HEATR4: variants seen among roughly 807,000 people sequenced by gnomAD.
The protein encoded by HEATR4 is HEAT repeat-containing protein 4.
HEATR4 carries 95 observed loss-of-function variants against 108.8 expected under a neutral mutation model. The ratio of observed to expected loss-of-function variants is 0.87; its 90% CI spans 0.74 to 1.04. The LOEUF (loss-of-function observed/expected upper bound fraction) is 1.04. Among genes scored for constraint, HEATR4 ranks in the 50% least tolerant of loss-of-function variants. The pLI is 0.00. For missense variants in HEATR4, 1,152 were observed against 1,253.8 expected (o/e 0.92, Z 1.23); for synonymous variants, 443 against 459.4 (o/e 0.96, Z 0.46).
At chr14:73,570,376 T>C in the HEATR4 span, among the ~76,000 whole-genome samples, 1 of 151,676 alleles carries the variant, frequency 6.6e-6, no homozygotes, top group African/African-American at 2.4e-5. Context: ...GAGGCCATCC[T>C]GACTAACACG....
chr14:73,615,413 AAC>A, the HEATR4 span, among the ~76,000 whole-genome samples: 978 of 77,170 alleles, frequency 0.013, 179 homozygotes, highest in African/African-American at 0.032. Flanking sequence ...AAAAACAAAA[AAC>A]AAAAAAAACC....
rs1299058688 is a variant in HEATR4 at position 73,548,615 on chromosome 14, C to T, written c.-152+10136G>A. Among the ~76,000 whole-genome samples the T allele has an allele frequency of 3.5e-5, 4 of 114,750 alleles. 1 individual carries two copies. Among genetic ancestry groups the T allele is most frequent in the South Asian group, 2.8e-4 (1 of 3,582 alleles). 75.3% of individuals were successfully genotyped at this position (114,750 alleles called of 152,430 possible). A position where few individuals can be genotyped will look rare whatever the true frequency, so the allele number is the denominator to read the frequency against. Reference sequence around the variant, plus strand: ...AAGCACAGAATGGGAAAAGAAAGGGCGTGGAGGTTCAGCACATTCTGAGGG... The same window carrying T: ...AAGCACAGAATGGGAAAAGAAAGGGTGTGGAGGTTCAGCACATTCTGAGGG... On this transcript the variant is annotated intron_variant, in intron 1 of 17. Coordinates refer to ENST00000553558, the MANE Select transcript of HEATR4 (RefSeq NM_001220484.1).
At chr14:73,495,869 T>TGTA (rs1239350122) in intron 15 of HEATR4, among the ~76,000 whole-genome samples, 1 of 152,066 alleles carries the variant, frequency 6.6e-6, no homozygotes, top group African/African-American at 2.4e-5. Context: ...GGCTCATGCC[T>TGTA]GTAATCCCAG....
chr14:73,493,988 T>G (rs747421518), intron 16 of HEATR4, among the ~76,000 whole-genome samples: 1 of 152,230 alleles, frequency 6.6e-6, no homozygotes, highest in Non-Finnish European at 1.5e-5. Flanking sequence ...CATGGTATGT[T>G]TTTGCTCACT....
At chr14:73,592,364 G>C in the HEATR4 span, 1 of 1,582,100 alleles carries the variant, frequency 6.3e-7, no homozygotes, top group South Asian at 1.1e-5. Flanking sequence ...CAGGGGTGCG[G>C]CGCCAGTCGG....
the HEATR4 span, chr14:73,575,491 G>A: frequency 2.0e-6 from 3 of 1,507,666 alleles, no homozygotes; most frequent in Non-Finnish European, 2.6e-6. Context: ...GGCCACGAGG[G>A]GACAATCCCA....
chr14:73,497,309 G>A (rs1485907065), intron 14 of HEATR4, among the ~76,000 whole-genome samples: 3 of 152,180 alleles, frequency 2.0e-5, no homozygotes, highest in Admixed American at 6.5e-5. Context: ...CAAAGTGTTG[G>A]GATTACAGAT....
At chr14:73,622,570 T>C in the HEATR4 span, among the ~76,000 whole-genome samples, 3 of 151,970 alleles carry the variant, frequency 2.0e-5, no homozygotes, top group African/African-American at 7.3e-5. Context: ...CCGGCTAATT[T>C]TGTACTTTTA....
At chr14:73,631,851 C>A in the HEATR4 span, 1 of 156,176 alleles carries the variant, frequency 6.4e-6, no homozygotes, top group South Asian at 1.9e-4. Flanking sequence ...CTTGGAATAT[C>A]ATGTGTATAC....
chr14:73,580,773 T>C, the HEATR4 span: 2 of 151,950 alleles, frequency 1.3e-5, no homozygotes, highest in Admixed American at 6.6e-5. Flanking sequence ...TAAATACATG[T>C]GCATAAGGCA....
At chr14:73,485,642 G>A (rs890404126) in intron 17 of HEATR4, among the ~76,000 whole-genome samples, 2 of 152,120 alleles carry the variant, frequency 1.3e-5, no homozygotes, top group African/African-American at 4.8e-5. Flanking sequence ...GGAGGCCAAG[G>A]CAGTTGGATC....
the HEATR4 span, chr14:73,592,399 C>T: frequency 6.5e-7 from 1 of 1,537,096 alleles, no homozygotes; most frequent in Non-Finnish European, 8.7e-7. Flanking sequence ...GTGCGCGCCA[C>T]GCTCTTCCTG....
chr14:73,497,044 T>G (rs1886148608), intron 14 of HEATR4, among the ~76,000 whole-genome samples: 1 of 152,184 alleles, frequency 6.6e-6, no homozygotes, highest in Non-Finnish European at 1.5e-5. Flanking sequence ...TACAGGCGCG[T>G]GCCATCATGC....
At position 73,522,833 on chromosome 14, in the gene HEATR4, T is replaced by G. The variant is rs1888059046; in HGVS notation, c.320A>C (p.Gln107Pro). 4 of 1,614,196 alleles carry G rather than the reference T, an allele frequency of 2.5e-6. No individual in the cohort carries two copies. The highest frequency in any genetic ancestry group is 1.6e-4 in the Middle Eastern group (1 of 6,062). Residue 107 changes from glutamine to proline, a missense_variant, in exon 3 of 18, where the codon CAG becomes CCG. Gln to Pro is a moderately conservative substitution (Grantham distance 76, BLOSUM62 -1). Transcript: ENST00000553558. ...TTTCTGAGGCCGGGCCTTCCTGATC[T>G]GGGGAGTATGGATGATGTCATTGGT... Reference protein sequence around the residue: ...YNTNDIIHTPQIRKARPQKPV... With the variant: ...YNTNDIIHTPPIRKARPQKPV...
the HEATR4 span, among the ~76,000 whole-genome samples, chr14:73,588,791 TTG>T: frequency 6.6e-6 from 1 of 151,890 alleles, no homozygotes; most frequent in Non-Finnish European, 1.5e-5. Flanking sequence ...CTTTTCTTTT[TTG>T]TGTTTAATTT....
In HEATR4 at chr14:73,492,376, T is replaced by G. The variant is rs1595084287; in HGVS notation, c.2844+690A>C. On this transcript the variant is annotated intron_variant, in intron 17 of 17. Transcript: ENST00000553558. The surrounding 1 kb of genome is among the most constrained non-coding windows in gnomAD (Gnocchi z 4.9). ...AAGAAAATGTGGAGTTTCGGAGGGG[T>G]CTGCCCCGAGACTTCATGGATTACA... 1.2e-6 allele frequency: 2 copies of G among 1,613,578 alleles called. No homozygotes were observed. Among genetic ancestry groups the G allele is most frequent in the Non-Finnish European group, 1.7e-6 (2 of 1,179,716 alleles).
At chr14:73,625,807 T>C in the HEATR4 span, among the ~76,000 whole-genome samples, 1 of 152,332 alleles carries the variant, frequency 6.6e-6, no homozygotes, top group South Asian at 2.1e-4. Context: ...GCCTTTCCCA[T>C]CTGTTTCCCT....
chr14:73,494,557 G>GT (rs1449942441), intron 16 of HEATR4, among the ~76,000 whole-genome samples: 1 of 151,986 alleles, frequency 6.6e-6, no homozygotes, highest in Non-Finnish European at 1.5e-5. Context: ...TTGTTTGTTT[G>GT]TTTTTTTGTT....
At chr14:73,570,659 C>T in the HEATR4 span, among the ~76,000 whole-genome samples, 1 of 152,024 alleles carries the variant, frequency 6.6e-6, no homozygotes, top group African/African-American at 2.4e-5. Context: ...AATCCTAGCG[C>T]TTTGGGAGGC....
Sources: allele counts gnomAD v4.1 joint callset (sites outside exome capture counted in the v4.1 genomes callset), GRCh38; gene constraint gnomAD v4.1.1; non-coding constraint Gnocchi (gnomAD v3.1); transcripts MANE v1.5; gene names NCBI Gene and HGNC (gene_info 2026-07-23, HGNC 2026-07-21).